The following WDR48 variants were observed in gnomAD, a reference collection of about 807,000 sequenced individuals.
WDR48 encodes the protein WD repeat domain 48.
In WDR48, 22 loss-of-function variants were observed where a neutral mutation model predicts 94.0. The observed-to-expected ratio is 0.23, with a 90% CI of 0.17 to 0.33. The LOEUF (loss-of-function observed/expected upper bound fraction) is 0.33, where lower values mean the gene tolerates loss of function less well. WDR48 is among the 10% of genes least tolerant of loss of function. The pLI is 1.00. For synonymous variants in WDR48, 278 were observed against 280.5 expected (o/e 0.99, Z 0.09); for missense variants, 541 against 813.8 (o/e 0.66, Z 4.08).
intron 1 of WDR48, among the ~76,000 whole-genome samples, chr3:39,052,933 G>C (rs1180523790): frequency 6.6e-6 from 1 of 152,146 alleles, no homozygotes. Flanking sequence ...ATGACGAGTT[G>C]ATGGGTACAG....
In WDR48 at chr3:39,077,168, T is replaced by C; in HGVS notation, c.927T>C (p.Pro309=). ...AGCTTGATAGATCAGCTGATCCTCC[T>C]CCTGCAATTTGGGTTGCAACAACTA... ...KMELDRSADP[P]PAIWVATTKS... Residue 309 remains proline, a synonymous_variant, in exon 9 of 19, where the codon CCT becomes CCC. Coordinates refer to ENST00000302313, the MANE Select transcript of WDR48 (RefSeq NM_020839.4). 1 of 1,614,190 alleles carries C rather than the reference T, an allele frequency of 6.2e-7. No individual in the cohort carries two copies. The highest frequency in any genetic ancestry group is 1.6e-4 in the Middle Eastern group (1 of 6,062).
chr3:39,065,353 G>T (rs2033537570), intron 2 of WDR48, among the ~76,000 whole-genome samples: 1 of 152,160 alleles, frequency 6.6e-6, no homozygotes, highest in Non-Finnish European at 1.5e-5. Flanking sequence ...ATCTCCCTCT[G>T]CATTCAGACC....
intron 10 of WDR48, 44 bp downstream of exon 10, chr3:39,078,283 T>A: frequency 7.4e-7 from 1 of 1,351,468 alleles, no homozygotes; most frequent in South Asian, 1.3e-5. Flanking sequence ...AAGTTAGCGA[T>A]AGTTACTTAG....
chr3:39,064,571 G>A (rs961481625), intron 2 of WDR48, among the ~76,000 whole-genome samples: 1 of 152,108 alleles, frequency 6.6e-6, no homozygotes, highest in African/African-American at 2.4e-5. Flanking sequence ...CACCGCGCCT[G>A]GCCAGATCCA....
intron 10 of WDR48, 83 bp from the exon 11 acceptor site, chr3:39,079,628 G>C (rs17038400): frequency 0.13 from 119,704 of 953,480 alleles, 8,238 homozygotes; most frequent in East Asian, 0.23. Context: ...GTTCCTGTTA[G>C]ATACCAGTTA....
chr3:39,075,656 C>G (rs72859532), intron 8 of WDR48, among the ~76,000 whole-genome samples: 7,834 of 152,058 alleles, frequency 0.052, 621 homozygotes, highest in African/African-American at 0.17. Context: ...CCGATAGTCA[C>G]AGAATTTCAC....
At chr3:39,054,175 A>G (rs2032694332) in intron 1 of WDR48, among the ~76,000 whole-genome samples, 1 of 152,226 alleles carries the variant, frequency 6.6e-6, no homozygotes, top group Non-Finnish European at 1.5e-5. Context: ...TAAAAATCCC[A>G]ACAAACAAAA....
Position 39,088,131 on chromosome 3 carries a change from A to C in WDR48, c.1478A>C (p.Asn493Thr). Residue 493 changes from asparagine (N) to threonine (T), a missense_variant, in exon 15 of 19, where the codon AAT becomes ACT. Transcript: ENST00000302313. ...DEEENEVNHV[N>T]GEQENRVQKG... is the part of the protein sequence containing the mutation. The stretch of plus-strand genomic sequence containing the variant: ...CACCACCTGCATCTTTTCCTAGTAA[A>C]TGGGGAGCAGGAGAACCGAGTGCAG... 6.2e-7 allele frequency: 1 copy of C among 1,614,072 alleles called. No homozygotes were observed. Among genetic ancestry groups the C allele is most frequent in the Non-Finnish European group, 8.5e-7 (1 of 1,180,000 alleles).
At chr3:39,062,953 C>A in intron 1 of WDR48, 97 bp from the exon 2 acceptor site, 1 of 1,451,212 alleles carries the variant, frequency 6.9e-7, no homozygotes, top group Non-Finnish European at 9.3e-7. Flanking sequence ...TATTGGAAAA[C>A]ATGGGATTTT....
intron 7 of WDR48, among the ~76,000 whole-genome samples, chr3:39,072,771 G>T (rs1002076755): frequency 2.0e-5 from 3 of 152,150 alleles, no homozygotes; most frequent in African/African-American, 7.2e-5. Flanking sequence ...GCTCCTACAA[G>T]ATCTCAGGCA....
At chr3:39,056,498 G>T (rs1261181878) in intron 1 of WDR48, among the ~76,000 whole-genome samples, 1 of 152,176 alleles carries the variant, frequency 6.6e-6, no homozygotes, top group African/African-American at 2.4e-5. Context: ...AAACAAACAA[G>T]AAATGTCACA....
chr3:39,069,448 A>G (rs181632032), intron 6 of WDR48, among the ~76,000 whole-genome samples, 195 bp from the exon 7 acceptor site: 38 of 152,342 alleles, frequency 2.5e-4, no homozygotes, highest in Admixed American at 2.2e-3. Context: ...TAGTGACAAG[A>G]TAAAGAGGCT....
intron 7 of WDR48, among the ~76,000 whole-genome samples, chr3:39,071,769 TACC>T (rs2033946803): frequency 1.3e-5 from 2 of 152,216 alleles, no homozygotes; most frequent in East Asian, 1.9e-4. Context: ...AATGTAAAAT[TACC>T]ACCAACAACC....
At position 39,095,189 on chromosome 3, in the gene WDR48, C is replaced by T. The variant is rs1410258642; in HGVS notation, c.*446C>T. The T allele has an allele frequency of 6.2e-6, 1 of 162,364 alleles. No homozygotes were observed. The highest frequency in any genetic ancestry group is 2.4e-5 in the African/African-American group (1 of 41,726). 10.1% of individuals were successfully genotyped at this position (162,364 alleles called of 1,614,324 possible). ...TCCATTCATGCAGTAGATATGAAGG[C>T]TTTTTCCAAGTTTGTCATATAAAGT... On this transcript the variant is annotated 3_prime_UTR_variant, in exon 19 of 19. Coordinates refer to ENST00000302313, the MANE Select transcript of WDR48 (RefSeq NM_020839.4).
At chr3:39,054,878 T>TA (rs1253072023) in intron 1 of WDR48, among the ~76,000 whole-genome samples, 2 of 152,146 alleles carry the variant, frequency 1.3e-5, no homozygotes, top group Non-Finnish European at 2.9e-5. Flanking sequence ...ACAAAGGAAA[T>TA]ATGCATTTTA....
intron 1 of WDR48, among the ~76,000 whole-genome samples, chr3:39,053,663 C>T (rs925240276): frequency 2.0e-5 from 3 of 152,256 alleles, no homozygotes; most frequent in South Asian, 2.1e-4. Context: ...AGACTTAAAA[C>T]TCCTATTACT....
chr3:39,075,667 A>G (rs907951128), intron 8 of WDR48, among the ~76,000 whole-genome samples: 1 of 152,116 alleles, frequency 6.6e-6, no homozygotes, highest in Non-Finnish European at 1.5e-5. Context: ...AGAATTTCAC[A>G]TTAAAACAAC....
intron 11 of WDR48, 57 bp from the exon 12 acceptor site, chr3:39,084,098 A>C: frequency 7.3e-7 from 1 of 1,367,866 alleles, no homozygotes; most frequent in South Asian, 1.5e-5. Context: ...TAGCAAAGTC[A>C]GAATCAAGTG....
intron 17 of WDR48, among the ~76,000 whole-genome samples, chr3:39,092,280 GA>G (rs1162038561): frequency 6.6e-6 from 1 of 152,208 alleles, no homozygotes; most frequent in Non-Finnish European, 1.5e-5. Flanking sequence ...AAGGAATAAT[GA>G]GAGTGAGAGA....
Sources: allele counts gnomAD v4.1 joint callset (sites outside exome capture counted in the v4.1 genomes callset), GRCh38; gene constraint gnomAD v4.1.1; transcripts MANE v1.5; gene names NCBI Gene and HGNC (gene_info 2026-07-23, HGNC 2026-07-21).